COL4A2: variants seen among roughly 807,000 people sequenced by gnomAD.
COL4A2 encodes collagen alpha-2(IV) chain.
COL4A2 carries 99 observed loss-of-function variants against 200.2 expected under a neutral mutation model. The ratio of observed to expected loss-of-function variants is 0.49; its 90% CI spans 0.42 to 0.58. COL4A2 has a LOEUF of 0.58. Ranked by LOEUF, COL4A2 falls within the 20% of genes least tolerant of loss-of-function variation. The probability of loss-of-function intolerance (pLI) is 0.00; values close to 1 mark genes in which losing one functional copy is unlikely to be tolerated. For missense variants in COL4A2, 1,950 were observed against 2,314.1 expected, an observed-to-expected ratio of 0.84 and a Z score of 3.23; for synonymous variants, 897 against 900.6, an observed-to-expected ratio of 1.00 and a Z score of 0.07.
chr13:110,448,936 C>T (rs758400182), intron 18 of COL4A2, among the ~76,000 whole-genome samples: 9 of 152,262 alleles, frequency 5.9e-5, no homozygotes, highest in South Asian at 2.1e-4. Context: ...CCCAGGGCCT[C>T]TGGCTGCGGA....
chr13:110,468,979 G>A (rs1373026831), intron 27 of COL4A2, among the ~76,000 whole-genome samples: 1 of 152,190 alleles, frequency 6.6e-6, no homozygotes, highest in African/African-American at 2.4e-5. Flanking sequence ...CCCTCATTTA[G>A]AGCACTGTAG....
At position 110,480,381 on chromosome 13, in the gene COL4A2, G is replaced by A. The variant is rs1882858210; in HGVS notation, c.2749G>A (p.Gly917Arg). ...KGIDGMPGTP[G>R]LKGDRGSPGM... ...AATTGATGGAATGCCTGGGACCCCC[G>A]GGCTAAAAGGTAATTGTGTGACTGT... The change falls in exon 31 of 48, where the codon GGG (glycine) becomes AGG (arginine). Residue 917 changes from glycine to arginine, a missense_variant. Transcript: ENST00000360467. The A allele has an allele frequency of 1.9e-6, 3 of 1,611,116 alleles. No homozygotes were observed. The highest frequency in any genetic ancestry group is 2.5e-6 in the Non-Finnish European group (3 of 1,178,754).
intron 21 of COL4A2, 197 bp downstream of exon 21, chr13:110,457,632 G>A (rs1306424593): frequency 2.3e-5 from 16 of 687,494 alleles, no homozygotes; most frequent in Admixed American, 1.2e-4. Flanking sequence ...CTGAGCACTC[G>A]GCCCCCAGGC....
intron 20 of COL4A2, among the ~76,000 whole-genome samples, chr13:110,456,170 C>T (rs970210869): frequency 4.6e-5 from 7 of 152,346 alleles, no homozygotes; most frequent in Non-Finnish European, 8.8e-5. Flanking sequence ...GATCATTGAG[C>T]CCTGCAGGAG....
intron 4 of COL4A2, among the ~76,000 whole-genome samples, chr13:110,403,817 G>C (rs1055538421): frequency 2.0e-5 from 3 of 152,140 alleles, no homozygotes; most frequent in Non-Finnish European, 4.4e-5. Flanking sequence ...CGTAGTCCAT[G>C]CTATAACAAA....
At chr13:110,373,804 TTCCGCCTCTGTG>T (rs1241145464) in intron 4 of COL4A2, among the ~76,000 whole-genome samples, 1 of 152,254 alleles carries the variant, frequency 6.6e-6, no homozygotes, top group Non-Finnish European at 1.5e-5. Context: ...GTTGGCTCCT[TTCCGCCTCTGTG>T]TTTTCCTTAT....
chr13:110,457,614 G>A lies in COL4A2; in HGVS notation c.1432+179G>A, dbSNP rs201109704. On this transcript the variant is annotated intron_variant, in intron 21 of 47. Transcript: ENST00000360467. ...TGAGAGGGAGGCGCATGGAGCCAGTGGTGCTGTCTGAGCACTCGGCCCCCA... is the reference window on the plus strand; with the variant it reads ...TGAGAGGGAGGCGCATGGAGCCAGTAGTGCTGTCTGAGCACTCGGCCCCCA... 1,035 of 689,590 alleles carry A rather than the reference G, an allele frequency of 1.5e-3. 26 individuals are homozygous for A. The highest frequency in any genetic ancestry group is 0.015 in the South Asian group (976 of 66,506). 42.7% of individuals were successfully genotyped at this position (689,590 alleles called of 1,614,324 possible).
chr13:110,322,489 G>A (rs554724029), intron 3 of COL4A2, among the ~76,000 whole-genome samples: 3 of 152,328 alleles, frequency 2.0e-5, no homozygotes, highest in East Asian at 1.9e-4. Flanking sequence ...CCAGAACTGC[G>A]TGAGATTCCT....
intron 3 of COL4A2, among the ~76,000 whole-genome samples, chr13:110,337,853 C>T (rs938282363): frequency 7.2e-5 from 11 of 152,186 alleles, no homozygotes; most frequent in Non-Finnish European, 1.6e-4. Flanking sequence ...AGCATTGATA[C>T]TTGTGAAGAT....
intron 20 of COL4A2, 146 bp downstream of exon 20, chr13:110,450,600 G>A: frequency 1.0e-6 from 1 of 953,142 alleles, no homozygotes; most frequent in Non-Finnish European, 1.6e-6. Flanking sequence ...GATCCAGGTA[G>A]ATTAGGGTGT....
At chr13:110,430,984 C>A in intron 10 of COL4A2, 1 of 435,756 alleles carries the variant, frequency 2.3e-6, no homozygotes, top group Non-Finnish European at 4.6e-6. Flanking sequence ...GTGCCACACC[C>A]ATGCTAGCAG....
chr13:110,504,206 TCC>T lies in COL4A2; in HGVS notation c.4346_4347del (p.Pro1449ArgfsTer6). On this transcript the variant is annotated frameshift_variant, in exon 45 of 48. Coordinates refer to ENST00000360467, the MANE Select transcript of COL4A2 (RefSeq NM_001846.4). LOFTEE classifies it high-confidence loss of function. ...PQGRGGVSAVPGFRGDEGPIG... is the reference protein window; with the variant it reads ...PQGRGGVSAVXGFRGDEGPIG... ...AAGGAAGAGGTGGTGTGTCTGCTGT[TCC>T]CGGCTTCCGGGGAGATGAAGGACCC... 1 of 1,614,086 alleles carries T rather than the reference TCC, an allele frequency of 6.2e-7. No individual in the cohort carries two copies. Among genetic ancestry groups the T allele is most frequent in the Non-Finnish European group, 8.5e-7 (1 of 1,180,016 alleles).
At chr13:110,315,721 A>G (rs536258907) in intron 3 of COL4A2, among the ~76,000 whole-genome samples, 16 of 152,270 alleles carry the variant, frequency 1.1e-4, no homozygotes, top group Admixed American at 3.3e-4. Context: ...TCCCAGTAAC[A>G]TGTCTTCTTT....
At chr13:110,466,940 G>A (rs563835279) in intron 26 of COL4A2, 100 bp from the exon 27 acceptor site, 51 of 1,467,470 alleles carry the variant, frequency 3.5e-5, no homozygotes, top group African/African-American at 8.4e-5. Context: ...AATGGTAGCC[G>A]GTTTGCACAG....
intron 4 of COL4A2, among the ~76,000 whole-genome samples, chr13:110,416,440 A>G (rs1410114025): frequency 6.6e-6 from 1 of 152,262 alleles, no homozygotes; most frequent in Non-Finnish European, 1.5e-5. Context: ...CATTTAGACA[A>G]ATGAAATGCA....
intron 40 of COL4A2, among the ~76,000 whole-genome samples, chr13:110,499,876 C>T (rs1883584536): frequency 6.6e-6 from 1 of 152,252 alleles, no homozygotes; most frequent in Admixed American, 6.5e-5. Flanking sequence ...ACTCAGGAGT[C>T]TGCCATTATT....
At chr13:110,331,503 C>G (rs535461330) in intron 3 of COL4A2, among the ~76,000 whole-genome samples, 1 of 152,170 alleles carries the variant, frequency 6.6e-6, no homozygotes, top group African/African-American at 2.4e-5. Flanking sequence ...GTTACTGGGC[C>G]GCTGACTTCC....
At chr13:110,371,528 G>A (rs1268364307) in intron 4 of COL4A2, among the ~76,000 whole-genome samples, 1 of 152,074 alleles carries the variant, frequency 6.6e-6, no homozygotes, top group African/African-American at 2.4e-5. Context: ...TCTTATCTGA[G>A]AACTTAAAAT....
intron 4 of COL4A2, among the ~76,000 whole-genome samples, chr13:110,368,337 C>G (rs917887594): frequency 3.3e-5 from 5 of 152,114 alleles, no homozygotes; most frequent in African/African-American, 1.2e-4. Context: ...GAAAATAATC[C>G]AACTCCCAAA....
Sources: allele counts gnomAD v4.1 joint callset (sites outside exome capture counted in the v4.1 genomes callset), GRCh38; gene constraint gnomAD v4.1.1; transcripts MANE v1.5; gene names NCBI Gene and HGNC (gene_info 2026-07-23, HGNC 2026-07-21).